The following TRHDE variants were observed in gnomAD, a reference collection of about 807,000 sequenced individuals.
The protein encoded by TRHDE is thyrotropin-releasing hormone-degrading ectoenzyme.
In TRHDE, 72 loss-of-function variants were observed where a neutral mutation model predicts 125.7. The observed-to-expected ratio is 0.57, with a 90% CI of 0.47 to 0.70. TRHDE has a LOEUF of 0.70. Among genes scored for constraint, TRHDE ranks in the 30% least tolerant of loss-of-function variants. The probability of loss-of-function intolerance (pLI) is 0.00; values close to 1 mark genes in which losing one functional copy is unlikely to be tolerated. For synonymous variants in TRHDE, 509 were observed against 509.1 expected (o/e 1.00, Z 0.00); for missense variants, 1,110 against 1,327.1 (o/e 0.84, Z 2.54).
rs1429874603 is a variant in TRHDE, at chr12:72,668,685, A to G, written c.*5490A>G. ...TATAGGTGTCTTCTAATATATGTCT[A>G]TTGGTATCACATCAATTAATAACCC... On this transcript the variant is annotated 3_prime_UTR_variant, in exon 19 of 19. Coordinates refer to ENST00000261180, the MANE Select transcript of TRHDE (RefSeq NM_013381.3). 6.6e-6 allele frequency: 1 copy of G among 151,834 alleles called. No individual in the cohort carries two copies. Among genetic ancestry groups the G allele is most frequent in the African/African-American group, 2.4e-5 (1 of 41,414 alleles). 9.4% of individuals were successfully genotyped at this position (151,834 alleles called of 1,614,324 possible).
In TRHDE at chr12:72,670,614, T is replaced by G. The variant is rs1183398192; in HGVS notation, c.*7419T>G. ...GAGGTCCATGCAAATGGAAAAAAATTATTCTCTTCTGACATGGACTTTTTC... is the reference window on the plus strand; with the variant it reads ...GAGGTCCATGCAAATGGAAAAAAATGATTCTCTTCTGACATGGACTTTTTC... On this transcript the variant is annotated 3_prime_UTR_variant, in exon 19 of 19. Transcript: ENST00000261180. 1 of 151,756 alleles carries G rather than the reference T, an allele frequency of 6.6e-6. No individual in the cohort carries two copies. The highest frequency in any genetic ancestry group is 6.6e-5 in the Admixed American group (1 of 15,186). 9.4% of individuals were successfully genotyped at this position (151,756 alleles called of 1,614,324 possible).
At chr12:72,470,229 G>A (rs1876576855) in intron 4 of TRHDE, among the ~76,000 whole-genome samples, 1 of 152,162 alleles carries the variant, frequency 6.6e-6, no homozygotes, top group South Asian at 2.1e-4. Flanking sequence ...GATTATTAGT[G>A]TGTATATATG....
chr12:72,307,038 T>C (rs907470360), intron 2 of TRHDE, among the ~76,000 whole-genome samples: 3 of 152,164 alleles, frequency 2.0e-5, no homozygotes, highest in African/African-American at 7.2e-5. Context: ...CGAGATCAGA[T>C]ATGTATGTGT....
chr12:72,585,182 T>A (rs998399976), intron 12 of TRHDE, among the ~76,000 whole-genome samples: 1 of 152,202 alleles, frequency 6.6e-6, no homozygotes, highest in African/African-American at 2.4e-5. Context: ...ATATCATTTT[T>A]AATTTTATTA....
intron 2 of TRHDE, among the ~76,000 whole-genome samples, chr12:72,302,628 G>A (rs947156750): frequency 1.3e-5 from 2 of 152,100 alleles, no homozygotes; most frequent in Non-Finnish European, 2.9e-5. Flanking sequence ...CAGGTGATCC[G>A]ACTGCAGAGA....
intron 2 of TRHDE, among the ~76,000 whole-genome samples, chr12:72,241,612 A>T (rs1878483840): frequency 1.3e-5 from 2 of 152,146 alleles, no homozygotes; most frequent in Admixed American, 6.5e-5. Flanking sequence ...AGCTGTAGTA[A>T]ACGTTTGTGT....
intron 2 of TRHDE, among the ~76,000 whole-genome samples, chr12:72,212,877 A>G (rs901108610): frequency 6.6e-6 from 1 of 152,160 alleles, no homozygotes; most frequent in African/African-American, 2.4e-5. Context: ...AAGAACTTGT[A>G]CATGAATGCT....
chr12:72,150,667 C>T (rs1004377057), intron 2 of TRHDE, among the ~76,000 whole-genome samples: 4 of 150,862 alleles, frequency 2.7e-5, no homozygotes, highest in Non-Finnish European at 5.9e-5. Flanking sequence ...TTTGTCCTTG[C>T]AATAGTTTGC....
chr12:72,314,935 A>C (rs141461109), intron 2 of TRHDE, among the ~76,000 whole-genome samples: 48 of 152,336 alleles, frequency 3.2e-4, no homozygotes, highest in African/African-American at 1.1e-3. Context: ...GCAAGTTTGC[A>C]CTCACTGAAC....
At chr12:72,305,025 CGA>C (rs146489032) in intron 2 of TRHDE, among the ~76,000 whole-genome samples, 5 of 150,162 alleles carry the variant, frequency 3.3e-5, no homozygotes, top group African/African-American at 4.9e-5. Flanking sequence ...AGAGCACATG[CGA>C]GAGAGAGAGA....
intron 2 of TRHDE, among the ~76,000 whole-genome samples, chr12:72,319,977 T>G (rs898075040): frequency 1.1e-5 from 1 of 92,036 alleles, no homozygotes; most frequent in Non-Finnish European, 2.9e-5. Context: ...AATTATGACA[T>G]TTAATTATGG....
chr12:72,114,811 G>A (rs1229325951), intron 2 of TRHDE, among the ~76,000 whole-genome samples: 3 of 152,038 alleles, frequency 2.0e-5, no homozygotes, highest in African/African-American at 4.8e-5. Context: ...AGGCTAAAAT[G>A]TTTGTTTCTG....
chr12:72,163,567 A>G (rs1418560777), intron 2 of TRHDE, among the ~76,000 whole-genome samples: 1 of 152,218 alleles, frequency 6.6e-6, no homozygotes, highest in Non-Finnish European at 1.5e-5. Flanking sequence ...TGCTAGACCA[A>G]GGCTTTGATA....
chr12:72,384,509 A>G (rs1198363768), intron 3 of TRHDE, among the ~76,000 whole-genome samples: 1 of 152,218 alleles, frequency 6.6e-6, no homozygotes, highest in East Asian at 1.9e-4. Context: ...ACAATGCTGT[A>G]GGAATAAAAT....
intron 2 of TRHDE, among the ~76,000 whole-genome samples, chr12:72,329,376 T>G (rs1869480160): frequency 6.6e-6 from 1 of 152,208 alleles, no homozygotes; most frequent in Non-Finnish European, 1.5e-5. Flanking sequence ...CCGTTTGATT[T>G]GGAAACACGA....
At chr12:72,371,950 A>G (rs530720163) in intron 2 of TRHDE, among the ~76,000 whole-genome samples, 3 of 152,112 alleles carry the variant, frequency 2.0e-5, no homozygotes, top group African/African-American at 4.8e-5. Flanking sequence ...AGTTCTAGAT[A>G]CCTGAGGAAT....
rs768774720 is a variant in TRHDE, at chr12:72,617,628, A to ATTGC, written c.2322-1261_2322-1260insGCTT. On this transcript the variant is annotated intron_variant, in intron 12 of 18. Transcript: ENST00000261180. ...TATGTTAACAGTCTGCATTCAGTTGATTTGTCGTAGTCTGTTTGGGCTGTT... is the reference window on the plus strand; with the variant it reads ...TATGTTAACAGTCTGCATTCAGTTGATTGCTTTGTCGTAGTCTGTTTGGGCTGTT... Among the ~76,000 whole-genome samples the ATTGC allele has an allele frequency of 2.2e-3, 337 of 151,954 alleles. 1 individual carries two copies. Among genetic ancestry groups the ATTGC allele is most frequent in the Non-Finnish European group, 3.9e-3 (264 of 68,008 alleles).
At chr12:72,639,814 G>A (rs1233304586) in intron 15 of TRHDE, among the ~76,000 whole-genome samples, 4 of 152,074 alleles carry the variant, frequency 2.6e-5, no homozygotes, top group African/African-American at 4.8e-5. Context: ...TAGGCTGCTC[G>A]GGGGGTCAGC....
chr12:72,557,628 T>C (rs1176846158), intron 7 of TRHDE, among the ~76,000 whole-genome samples: 1 of 152,192 alleles, frequency 6.6e-6, no homozygotes, highest in African/African-American at 2.4e-5. Context: ...AGTGCTTTAC[T>C]TCCTTAACTC....
Sources: allele counts gnomAD v4.1 joint callset (sites outside exome capture counted in the v4.1 genomes callset), GRCh38; gene constraint gnomAD v4.1.1; transcripts MANE v1.5; gene names NCBI Gene and HGNC (gene_info 2026-07-23, HGNC 2026-07-21).